The following CCDC77 variants were observed in gnomAD, a reference collection of about 807,000 sequenced individuals.
The protein encoded by CCDC77 is coiled-coil domain containing 77.
In CCDC77, 56 loss-of-function variants were observed where a neutral mutation model predicts 66.8. That is an observed-to-expected ratio of 0.84 (90% CI 0.68 to 1.05). The LOEUF (loss-of-function observed/expected upper bound fraction) is 1.05. CCDC77 is among the 50% of genes least tolerant of loss of function. The pLI is 0.00. For missense variants in CCDC77, 570 were observed against 576.8 expected, an observed-to-expected ratio of 0.99 and a Z score of 0.12; for synonymous variants, 196 against 195.2, an observed-to-expected ratio of 1.00 and a Z score of -0.03.
chr12:403,933 G>A (rs932855756), intron 1 of CCDC77, among the ~76,000 whole-genome samples: 3 of 152,224 alleles, frequency 2.0e-5, no homozygotes, highest in East Asian at 1.9e-4. Flanking sequence ...TTGCCACTGT[G>A]CCCAGCTAAT....
intron 4 of CCDC77, among the ~76,000 whole-genome samples, chr12:416,375 G>GTATATATATATATA (rs1489079419): frequency 4.9e-5 from 1 of 20,592 alleles, no homozygotes; most frequent in East Asian, 8.3e-4. Context: ...GTGTGTGTGT[G>GTATATATATATATA]TGTATATATA....
At position 411,761 on chromosome 12, in the gene CCDC77, C is replaced by G. The variant is rs949162193; in HGVS notation, c.53C>G (p.Ser18Cys). 1 of 1,613,562 alleles carries G rather than the reference C, an allele frequency of 6.2e-7. No homozygotes were observed. Among genetic ancestry groups the G allele is most frequent in the African/African-American group, 1.3e-5 (1 of 74,982 alleles). ...TPVCRKRTVV[S>C]KRGVAVSGPT... ...ATTTCACGTAGGCGAACAGTTGTCT[C>G]CAAACGTGGTGTTGCCGTCAGTGGT... The change falls in exon 4 of 13, where the codon TCC (serine) becomes TGC (cysteine). Residue 18 changes from serine (S) to cysteine (C), a missense_variant. Transcript: ENST00000239830.
At chr12:414,954 C>CT (rs1228474350) in intron 4 of CCDC77, among the ~76,000 whole-genome samples, 1 of 152,072 alleles carries the variant, frequency 6.6e-6, no homozygotes, top group African/African-American at 2.4e-5. Context: ...AATATTTGTA[C>CT]TTGTCCAAAT....
chr12:418,468 A>G (rs772101968), intron 4 of CCDC77, 26 bp from the exon 5 acceptor site: 21 of 1,612,076 alleles, frequency 1.3e-5, no homozygotes, highest in African/African-American at 9.3e-5. Flanking sequence ...GTGTCTTTCA[A>G]CTATCTTATT....
Position 442,219 on chromosome 12 carries a change from G to T in CCDC77, c.*299G>T. 4.4e-6 allele frequency: 1 copy of T among 227,148 alleles called. No homozygotes were observed. Among genetic ancestry groups the T allele is most frequent in the Non-Finnish European group, 8.6e-6 (1 of 116,348 alleles). 14.1% of individuals were successfully genotyped at this position (227,148 alleles called of 1,614,324 possible). ...TGACCGGTTTTTGTTTTTTCAGAAGGCAGTGATGATGAAAACTTAGGAAGA... is the reference window on the plus strand; with the variant it reads ...TGACCGGTTTTTGTTTTTTCAGAAGTCAGTGATGATGAAAACTTAGGAAGA... On this transcript the variant is annotated 3_prime_UTR_variant, in exon 13 of 13. Coordinates refer to ENST00000239830, the MANE Select transcript of CCDC77 (RefSeq NM_032358.4).
chr12:419,290 C>T lies in CCDC77; in HGVS notation c.413+654C>T, dbSNP rs558902293. On this transcript the variant is annotated intron_variant, in intron 5 of 12. Coordinates refer to ENST00000239830, the MANE Select transcript of CCDC77 (RefSeq NM_032358.4). ...GACCAGTCATAGGATGCAGGTAGTC[C>T]CCAGGGAGGGTATGTAAACTTGGGA... 2.0e-5 allele frequency among the ~76,000 whole-genome samples: 3 copies of T among 152,294 alleles called. No individual in the cohort carries two copies. The South Asian group carries it at 6.2e-4, about 32-fold the overall frequency.
At chr12:423,294 T>TTATA (rs71045059) in intron 5 of CCDC77, among the ~76,000 whole-genome samples, 51 of 122,248 alleles carry the variant, frequency 4.2e-4, no homozygotes, top group East Asian at 8.1e-4. Context: ...CAGCTAATTT[T>TTATA]TATATATATA....
At chr12:433,425 G>T in intron 9 of CCDC77, 103 bp downstream of exon 9, 2 of 1,496,828 alleles carry the variant, frequency 1.3e-6, no homozygotes, top group African/African-American at 1.4e-5. Context: ...AGAACTAAAG[G>T]GAGCCTTGAA....
chr12:404,721 C>CT (rs141950603), intron 1 of CCDC77, among the ~76,000 whole-genome samples: 5,984 of 137,576 alleles, frequency 0.043, 409 homozygotes, highest in East Asian at 0.3. Flanking sequence ...CTTCAAATTA[C>CT]TTTTTTTTTT....
intron 5 of CCDC77, among the ~76,000 whole-genome samples, chr12:427,475 A>AT (rs71045060): frequency 0.019 from 2,364 of 127,668 alleles, 55 homozygotes; most frequent in East Asian, 0.066. Context: ...TAATTAATTA[A>AT]TTTTTTTTTT....
rs997581777 is a variant in CCDC77 at position 442,052 on chromosome 12, T to G, written c.*132T>G. The stretch of plus-strand genomic sequence containing the variant: ...TGGTATTCATTATTGTAAAGACAGC[T>G]TGAAGAATCGGGGACCACTAGGAAA... On this transcript the variant is annotated 3_prime_UTR_variant, in exon 13 of 13. Transcript: ENST00000239830. 5.2e-6 allele frequency: 5 copies of G among 957,878 alleles called. No individual in the cohort carries two copies. Among genetic ancestry groups the G allele is most frequent in the Middle Eastern group, 3.4e-4 (1 of 2,930 alleles). 59.3% of individuals were successfully genotyped at this position (957,878 alleles called of 1,614,324 possible).
intron 6 of CCDC77, among the ~76,000 whole-genome samples, chr12:430,252 C>G (rs1260559089): frequency 6.6e-6 from 1 of 152,138 alleles, no homozygotes; most frequent in Non-Finnish European, 1.5e-5. Flanking sequence ...CTTGGCCTCC[C>G]AAAGTGCTGA....
In CCDC77 at chr12:418,648, G is replaced by A; in HGVS notation, c.413+12G>A. The A allele has an allele frequency of 2.5e-6, 4 of 1,608,418 alleles. No individual in the cohort carries two copies. Among genetic ancestry groups the A allele is most frequent in the Non-Finnish European group, 2.5e-6 (3 of 1,177,848 alleles). Reference sequence around the variant, plus strand: ...CGACTGAGAATCAGGTACCAAATAGGAGAAGGGAAATGTTGGAGTTTAACT... The same window carrying A: ...CGACTGAGAATCAGGTACCAAATAGAAGAAGGGAAATGTTGGAGTTTAACT... On this transcript the variant is annotated intron_variant, in intron 5 of 12. Coordinates refer to ENST00000239830, the MANE Select transcript of CCDC77 (RefSeq NM_032358.4).
chr12:426,820 C>T (rs2137592924), intron 5 of CCDC77, among the ~76,000 whole-genome samples: 1 of 152,282 alleles, frequency 6.6e-6, no homozygotes, highest in Non-Finnish European at 1.5e-5. Context: ...GGTCTTTCCT[C>T]TTCCCCAGTA....
chr12:405,916 C>CT lies in CCDC77; in HGVS notation c.-17+372dup, dbSNP rs34597637. 1.2e-3 allele frequency among the ~76,000 whole-genome samples: 163 copies of CT among 133,952 alleles called. 1 individual carries two copies. Among genetic ancestry groups the CT allele is most frequent in the South Asian group, 0.011 (43 of 4,074 alleles). The allele number at this position is 133,952 out of a possible 152,430, so 87.9% of individuals were successfully genotyped here. ...ATATTAGATGGTTATAAGTGTTCAA[C>CT]TTTTTTTTTTTTTTTTTTTTAAGAG... On this transcript the variant is annotated intron_variant, in intron 2 of 12. Coordinates refer to ENST00000239830, the MANE Select transcript of CCDC77 (RefSeq NM_032358.4).
At chr12:408,709 C>T (rs973076025) in intron 2 of CCDC77, among the ~76,000 whole-genome samples, 30 of 152,152 alleles carry the variant, frequency 2.0e-4, no homozygotes, top group Non-Finnish European at 8.8e-5. Flanking sequence ...TCTGCATCTT[C>T]TCCTCCTATC....
At position 418,595 on chromosome 12, in the gene CCDC77, T is replaced by C. The variant is rs1024669441; in HGVS notation, c.372T>C (p.His124=). The change falls in exon 5 of 13, where the codon CAT becomes CAC. Residue 124 remains histidine, a synonymous_variant. Coordinates refer to ENST00000239830, the MANE Select transcript of CCDC77 (RefSeq NM_032358.4). The part of the protein sequence containing the change: ...MQVCLFQERE[H]VLRLYSENDR... ...TCTGCCTCTTCCAGGAACGGGAACATGTTTTACGCCTCTACTCAGAAAATG... is the reference window on the plus strand; with the variant it reads ...TCTGCCTCTTCCAGGAACGGGAACACGTTTTACGCCTCTACTCAGAAAATG... 9 of 1,614,186 alleles carry C rather than the reference T, an allele frequency of 5.6e-6. No homozygotes were observed. The highest frequency in any genetic ancestry group is 1.7e-5 in the Admixed American group (1 of 60,016).
In CCDC77 at chr12:441,774, G is replaced by A. The variant is rs1303140737; in HGVS notation, c.1321G>A (p.Ala441Thr). ...TTTTTTTTTTTTTTCAAACCCCTAG[G>A]CAACAGTTAATGCCCGGGCAAACCA... ...LKDLEQMLYK[A>T]TVNARANQDL... Residue 441 changes from alanine to threonine, a missense_variant and splice_region_variant, in exon 13 of 13, where the codon GCA (alanine) becomes ACA (threonine). By Grantham distance (58) the Ala-to-Thr change is moderately conservative. Transcript: ENST00000239830. 15 of 1,603,826 alleles carry A rather than the reference G, an allele frequency of 9.4e-6. No individual in the cohort carries two copies. Among genetic ancestry groups the A allele is most frequent in the Non-Finnish European group, 1.3e-5 (15 of 1,176,414 alleles).
At chr12:390,365 TA>T (rs997251185) in intron 1 of CCDC77, among the ~76,000 whole-genome samples, 10 of 152,334 alleles carry the variant, frequency 6.6e-5, no homozygotes, top group African/African-American at 2.4e-4. Context: ...ACATCTTTTT[TA>T]ATTGCTGATT....
Sources: allele counts gnomAD v4.1 joint callset (sites outside exome capture counted in the v4.1 genomes callset), GRCh38; gene constraint gnomAD v4.1.1; transcripts MANE v1.5; gene names NCBI Gene and HGNC (gene_info 2026-07-23, HGNC 2026-07-21).